A2M: variants seen among roughly 807,000 people sequenced by gnomAD.
The protein encoded by A2M is alpha-2-macroglobulin, also known as C3 and PZP-like alpha-2-macroglobulin domain-containing protein 5.
A neutral mutation model predicts 183.9 loss-of-function variants in A2M; 128 were observed. The observed-to-expected ratio is 0.70, with a 90% CI of 0.60 to 0.81. A2M has a LOEUF of 0.81. A2M is among the 30% of genes least tolerant of loss of function. The probability of loss-of-function intolerance (pLI) is 0.00; values close to 1 mark genes in which losing one functional copy is unlikely to be tolerated. For missense variants in A2M, 1,495 were observed against 1,787.6 expected, an observed-to-expected ratio of 0.84 and a Z score of 2.95; for synonymous variants, 592 against 670.8, an observed-to-expected ratio of 0.88 and a Z score of 1.81.
intron 4 of A2M, among the ~76,000 whole-genome samples, chr12:9,111,160 T>C (rs982876282): frequency 6.6e-6 from 1 of 152,244 alleles, no homozygotes; most frequent in African/African-American, 2.4e-5. Flanking sequence ...TATGAATGTT[T>C]ATTCATTTTT....
At position 9,109,918 on chromosome 12, in the gene A2M, G is replaced by C. The variant is rs1938594832; in HGVS notation, c.622C>G (p.Gln208Glu). The C allele has an allele frequency of 3.1e-6, 5 of 1,613,752 alleles. No homozygotes were observed. The East Asian group carries it at 6.7e-5, about 22-fold the overall frequency. ...PFQGSYKVVV[Q>E]KKSGGRTEHP... ...TCTGTCCTTCCACCTGATTTCTTCT[G>C]TACCACCACCTTGTAGGAGCCCTGG... The change falls in exon 6 of 36, where the codon CAG (glutamine) becomes GAG (glutamate). Residue 208 changes from glutamine (Q) to glutamate (E), a missense_variant. By Grantham distance (29) the Gln-to-Glu change is conservative. Transcript: ENST00000318602.
At chr12:9,097,703 G>A (rs1949426028) in intron 15 of A2M, among the ~76,000 whole-genome samples, 2 of 149,012 alleles carry the variant, frequency 1.3e-5, no homozygotes, top group African/African-American at 2.5e-5. Context: ...GCACGATCTC[G>A]GCTCACTCAA....
At chr12:9,079,573 T>C (rs1221093719) in intron 24 of A2M, 66 bp downstream of exon 24, 1 of 1,469,008 alleles carries the variant, frequency 6.8e-7, no homozygotes, top group Non-Finnish European at 9.4e-7. Context: ...CATAAGTAAC[T>C]GAAACCTACT....
intron 10 of A2M, among the ~76,000 whole-genome samples, chr12:9,105,922 T>C (rs971459386): frequency 6.6e-6 from 1 of 152,172 alleles, no homozygotes; most frequent in African/African-American, 2.4e-5. Context: ...AACCTGAGAC[T>C]GCCTGGTAAA....
chr12:9,114,009 T>C (rs185701279), intron 1 of A2M, among the ~76,000 whole-genome samples: 2 of 152,294 alleles, frequency 1.3e-5, no homozygotes, highest in Admixed American at 1.3e-4. Context: ...GTGAAAATTG[T>C]ATGGTAAGCA....
chr12:9,113,105 C>CTTTTTTT (rs11463805), intron 2 of A2M, among the ~76,000 whole-genome samples: 1 of 143,852 alleles, frequency 7.0e-6, no homozygotes. Flanking sequence ...GTCACATTTT[C>CTTTTTTT]TTTTTTTTTT....
At chr12:9,106,127 T>TATATATATTTTATATATATTTTATA in intron 10 of A2M, 109 bp downstream of exon 10, 3 of 613,970 alleles carry the variant, frequency 4.9e-6, no homozygotes. Context: ...ATACTTTTGG[T>TATATATATTTTATATATATTTTATA]TATATTAAAT....
intron 22 of A2M, 56 bp from the exon 23 acceptor site, chr12:9,080,233 A>C: frequency 3.2e-6 from 4 of 1,234,228 alleles, no homozygotes; most frequent in Non-Finnish European, 4.6e-6. Flanking sequence ...ATATCTTTCT[A>C]AACAGCTCTA....
intron 31 of A2M, among the ~76,000 whole-genome samples, chr12:9,070,781 C>A (rs781432651): frequency 6.6e-6 from 1 of 151,992 alleles, no homozygotes; most frequent in African/African-American, 2.4e-5. Context: ...CTACTCTAGA[C>A]CTGATGAATC....
chr12:9,113,989 C>G (rs1938936527), intron 1 of A2M, among the ~76,000 whole-genome samples: 1 of 152,160 alleles, frequency 6.6e-6, no homozygotes. Context: ...TACACACATT[C>G]AGCAGCCCTG....
rs758023289 is a variant in A2M at position 9,104,355 on chromosome 12, T to TCA, written c.1149_1150insTG (p.Ile384Ter). On this transcript the variant is annotated frameshift_variant, in exon 11 of 36. Coordinates refer to ENST00000318602, the MANE Select transcript of A2M (RefSeq NM_000014.6). LOFTEE classifies it high-confidence loss of function. Reference sequence around the variant, plus strand: ...TTTGCTTCATTTCCTCTGATGAATATGACTTTATTTGGTATAGGGACGCCT... The same window carrying TCA: ...TTTGCTTCATTTCCTCTGATGAATATCAGACTTTATTTGGTATAGGGACGCCT... The TCA allele has an allele frequency of 1.1e-5, 17 of 1,604,770 alleles. No homozygotes were observed.
intron 22 of A2M, among the ~76,000 whole-genome samples, chr12:9,085,593 A>C (rs749393136): frequency 1.7e-4 from 26 of 152,218 alleles, no homozygotes; most frequent in Non-Finnish European, 2.9e-5. Flanking sequence ...TATTCCTCAG[A>C]GAAGTAGGAA....
chr12:9,080,320 T>C (rs1948873437), intron 22 of A2M, 143 bp from the exon 23 acceptor site: 2 of 433,482 alleles, frequency 4.6e-6, no homozygotes, highest in Admixed American at 8.1e-5. Context: ...AACAGTAATA[T>C]ATAAATATCT....
chr12:9,096,884 T>C (rs112734105), intron 15 of A2M, among the ~76,000 whole-genome samples: 81 of 152,324 alleles, frequency 5.3e-4, no homozygotes, highest in Middle Eastern at 3.4e-3. Context: ...TGATCTCTAC[T>C]AGCACTTAGT....
chr12:9,096,598 A>G (rs775307401), intron 15 of A2M, among the ~76,000 whole-genome samples: 15 of 152,318 alleles, frequency 9.8e-5, no homozygotes, highest in Non-Finnish European at 1.6e-4. Context: ...TGATGCTTTC[A>G]AGTCCATTTG....
At chr12:9,079,435 T>C (rs1188153159) in intron 24 of A2M, 104 bp from the exon 25 acceptor site, 6 of 1,276,432 alleles carry the variant, frequency 4.7e-6, no homozygotes, top group Non-Finnish European at 6.7e-6. Flanking sequence ...TTTCTTAAAT[T>C]TTGTTGTCAT....
chr12:9,071,431 A>AAAAT (rs987111958), intron 31 of A2M, among the ~76,000 whole-genome samples: 22 of 151,412 alleles, frequency 1.5e-4, no homozygotes, highest in African/African-American at 4.1e-4. Context: ...AAATGAAAAA[A>AAAAT]ATATATATAT....
rs770790444 is a variant in A2M at position 9,074,659 on chromosome 12, G to A, written c.3657C>T (p.Ala1219=). The A allele has an allele frequency of 6.2e-7, 1 of 1,613,918 alleles. No individual in the cohort carries two copies. The highest frequency in any genetic ancestry group is 1.3e-5 in the African/African-American group (1 of 74,918). The change falls in exon 29 of 36, where the codon GCC becomes GCT. Residue 1219 remains alanine, a synonymous_variant. Transcript: ENST00000318602. ...GGTCCTCCGAGGTTGGGGCTGGCTG[G>A]GCCGTGAGATAAGCGAGGAGCACAT... The part of the protein sequence containing the change: ...TSYVLLAYLT[A]QPAPTSEDLT...
Position 9,113,553 on chromosome 12 carries a change from A to C in A2M, c.87-10T>G. 1 of 1,611,438 alleles carries C rather than the reference A, an allele frequency of 6.2e-7. No homozygotes were observed. Among genetic ancestry groups the C allele is most frequent in the African/African-American group, 1.3e-5 (1 of 74,830 alleles). Reference sequence around the variant, plus strand: ...CAGAACCATATACTGCCTGGGAATGAGACGGTTCAGTTAGAGGAAAGTGAA... The same window carrying C: ...CAGAACCATATACTGCCTGGGAATGCGACGGTTCAGTTAGAGGAAAGTGAA... On this transcript the variant is annotated splice_polypyrimidine_tract_variant and intron_variant, in intron 1 of 35. Coordinates refer to ENST00000318602, the MANE Select transcript of A2M (RefSeq NM_000014.6).
Sources: gnomAD v4.1 joint callset for allele counts (sites outside exome capture counted in the v4.1 genomes callset) on GRCh38, gnomAD v4.1.1 for gene constraint, MANE v1.5 for transcripts, NCBI Gene and HGNC (gene_info 2026-07-23, HGNC 2026-07-21) for gene names.